PRKG1: variants seen among roughly 807,000 people sequenced by gnomAD.
The protein encoded by PRKG1 is cGMP-dependent protein kinase 1.
In PRKG1, 35 loss-of-function variants were observed where a neutral mutation model predicts 88.1. The ratio of observed to expected loss-of-function variants is 0.40; its 90% CI spans 0.30 to 0.53. The LOEUF (loss-of-function observed/expected upper bound fraction) is 0.53. Among genes scored for constraint, PRKG1 ranks in the 20% least tolerant of loss-of-function variants. The probability of loss-of-function intolerance (pLI) is 0.59; values close to 1 mark genes in which losing one functional copy is unlikely to be tolerated. For synonymous variants in PRKG1, 303 were observed against 292.5 expected (o/e 1.04, Z -0.37); for missense variants, 540 against 839.8 (o/e 0.64, Z 4.41).
intron 5 of PRKG1, among the ~76,000 whole-genome samples, chr10:52,053,199 G>A (rs1334099352): frequency 1.3e-5 from 2 of 148,258 alleles, no homozygotes; most frequent in African/African-American, 2.5e-5. Flanking sequence ...ATCATCTGGT[G>A]GTTGAAACTG....
intron 4 of PRKG1, among the ~76,000 whole-genome samples, chr10:51,884,362 G>A (rs1382249659): frequency 7.5e-6 from 1 of 133,868 alleles, no homozygotes; most frequent in Non-Finnish European, 1.5e-5. Context: ...GGAGAATGGC[G>A]TGAACCCGGG....
chr10:51,029,178 T>C (rs1843246060), intron 1 of PRKG1, among the ~76,000 whole-genome samples: 1 of 152,188 alleles, frequency 6.6e-6, no homozygotes, highest in African/African-American at 2.4e-5. Context: ...GCTAGGAAAA[T>C]GAAGACTCAA....
intron 2 of PRKG1, among the ~76,000 whole-genome samples, chr10:51,229,814 C>A (rs1838787125): frequency 6.6e-6 from 1 of 150,686 alleles, no homozygotes; most frequent in Non-Finnish European, 1.5e-5. Flanking sequence ...GTAGTCCCAG[C>A]TACTTGGGAA....
At chr10:51,419,483 G>T (rs1838347629) in intron 2 of PRKG1, among the ~76,000 whole-genome samples, 1 of 150,176 alleles carries the variant, frequency 6.7e-6, no homozygotes, top group East Asian at 2.1e-4. Context: ...GGATGGGATT[G>T]GGGCTAATCA....
chr10:52,107,539 G>T (rs1301070565), intron 7 of PRKG1, among the ~76,000 whole-genome samples: 7 of 152,136 alleles, frequency 4.6e-5, no homozygotes, highest in Non-Finnish European at 8.8e-5. Context: ...TTTATAATAT[G>T]CACAACATTA....
At chr10:52,143,324 T>G (rs903174083) in intron 8 of PRKG1, among the ~76,000 whole-genome samples, 1 of 152,132 alleles carries the variant, frequency 6.6e-6, no homozygotes, top group East Asian at 1.9e-4. Context: ...AGTTGTTTTG[T>G]GTTGCGGGGG....
At chr10:51,366,677 G>A (rs1025518327) in intron 2 of PRKG1, among the ~76,000 whole-genome samples, 2 of 151,828 alleles carry the variant, frequency 1.3e-5, no homozygotes, top group African/African-American at 4.8e-5. Context: ...TTAAATGTTT[G>A]TGTGTATTTG....
At chr10:51,086,914 A>T (rs1490386257) in intron 1 of PRKG1, among the ~76,000 whole-genome samples, 2 of 152,186 alleles carry the variant, frequency 1.3e-5, no homozygotes, top group Non-Finnish European at 2.9e-5. Flanking sequence ...AGGGTGATGG[A>T]TGGAAAATGG....
intron 1 of PRKG1, among the ~76,000 whole-genome samples, chr10:51,053,784 T>C (rs568379241): frequency 6.6e-6 from 1 of 151,760 alleles, no homozygotes; most frequent in South Asian, 2.1e-4. Context: ...TTTTGTTTTT[T>C]TTTTTTTTAA....
In PRKG1 at chr10:51,558,336, A is replaced by T. The variant is rs1837366552; in HGVS notation, c.592+90500A>T. The stretch of plus-strand genomic sequence containing the variant: ...GGTTAAAGAGCTAATCTTCACCAGG[A>T]ATCAAGAAAAATTAAGTCACAAATG... On this transcript the variant is annotated intron_variant, in intron 3 of 17. Transcript: ENST00000373980. Among the ~76,000 whole-genome samples, 3 of 152,152 alleles carry T rather than the reference A, an allele frequency of 2.0e-5. No individual in the cohort carries two copies. In the South Asian group the frequency reaches 6.2e-4, roughly 31 times the overall value.
chr10:51,649,130 C>T (rs1839981534), intron 3 of PRKG1, among the ~76,000 whole-genome samples: 1 of 152,146 alleles, frequency 6.6e-6, no homozygotes, highest in Non-Finnish European at 1.5e-5. Context: ...TACATTTTTG[C>T]CCTTTGCCCC....
At chr10:51,670,042 GGC>G in intron 3 of PRKG1, among the ~76,000 whole-genome samples, 1 of 152,146 alleles carries the variant, frequency 6.6e-6, no homozygotes, top group Admixed American at 6.5e-5. Flanking sequence ...CATATTTTAA[GGC>G]TGTATTAGTT....
Position 51,684,896 on chromosome 10 carries a change from A to G in PRKG1, c.593-119689A>G, listed in dbSNP as rs1394154665. On this transcript the variant is annotated intron_variant, in intron 3 of 17. Transcript: ENST00000373980. ...AAAAAATATATATTTAGTTTTATGG[A>G]TTTCTTATAAATTATTGTTATTCCA... Among the ~76,000 whole-genome samples, 3 of 152,072 alleles carry G rather than the reference A, an allele frequency of 2.0e-5. No homozygotes were observed. The East Asian group carries it at 5.8e-4, about 29-fold the overall frequency.
intron 7 of PRKG1, among the ~76,000 whole-genome samples, chr10:52,081,304 C>T (rs879243718): frequency 1.3e-5 from 2 of 152,146 alleles, no homozygotes; most frequent in Admixed American, 1.3e-4. Context: ...GAGCTAGCTA[C>T]TTAAACCTTC....
At chr10:52,034,049 T>C (rs1177675941) in intron 5 of PRKG1, among the ~76,000 whole-genome samples, 2 of 151,924 alleles carry the variant, frequency 1.3e-5, no homozygotes, top group African/African-American at 4.8e-5. Context: ...AGGCAAGGAC[T>C]GGCCATTTAC....
intron 5 of PRKG1, among the ~76,000 whole-genome samples, chr10:51,933,814 G>C (rs532379463): frequency 2.0e-5 from 3 of 151,996 alleles, no homozygotes; most frequent in Admixed American, 6.6e-5. Flanking sequence ...AGAAGAAGAA[G>C]ATTTTACATT....
chr10:51,895,966 A>G (rs1029435490), intron 4 of PRKG1, among the ~76,000 whole-genome samples: 1 of 152,084 alleles, frequency 6.6e-6, no homozygotes, highest in African/African-American at 2.4e-5. Context: ...TTGGACTCCA[A>G]GGGCCCCTTG....
chr10:51,461,068 T>A (rs1441437926), intron 2 of PRKG1, among the ~76,000 whole-genome samples: 1 of 152,182 alleles, frequency 6.6e-6, no homozygotes, highest in Non-Finnish European at 1.5e-5. Context: ...CAACCAAGAA[T>A]AACTATAATG....
chr10:51,130,143 A>G (rs933825242), intron 1 of PRKG1, among the ~76,000 whole-genome samples: 1 of 152,146 alleles, frequency 6.6e-6, no homozygotes, highest in Non-Finnish European at 1.5e-5. Flanking sequence ...TACACTACTT[A>G]CTTGCCAATC....
Sources: allele counts gnomAD v4.1 joint callset (sites outside exome capture counted in the v4.1 genomes callset), GRCh38; gene constraint gnomAD v4.1.1; transcripts MANE v1.5; gene names NCBI Gene and HGNC (gene_info 2026-07-23, HGNC 2026-07-21).